The following SBNO2 variants were observed in gnomAD, a reference collection of about 807,000 sequenced individuals.
The protein encoded by SBNO2 is protein strawberry notch homolog 2.
In SBNO2, 89 loss-of-function variants were observed where a neutral mutation model predicts 146.3. The ratio of observed to expected loss-of-function variants is 0.61; its 90% confidence interval spans 0.51 to 0.73. SBNO2 has a LOEUF of 0.73. SBNO2 is among the 30% of genes least tolerant of loss of function. The pLI is 0.00. For missense variants in SBNO2, 2,092 were observed against 2,003.7 expected (o/e 1.04, Z -0.84); for synonymous variants, 1,147 against 892.6 (o/e 1.29, Z -5.08).
chr19:1,147,259 C>T lies in SBNO2; in HGVS notation c.279+50G>A, dbSNP rs1397561083. Reference sequence around the variant, plus strand: ...GTCGCAGGGCAGCTGGAGGGGCGGCCCAGACTCCACCCTGCCCCCCACGGC... The same window carrying T: ...GTCGCAGGGCAGCTGGAGGGGCGGCTCAGACTCCACCCTGCCCCCCACGGC... On this transcript the variant is annotated intron_variant, in intron 4 of 31. Transcript: ENST00000361757. The T allele has an allele frequency of 5.4e-6, 7 of 1,291,460 alleles. No individual in the cohort carries two copies. In the African/African-American group the frequency reaches 9.1e-5, roughly 17 times the overall value. 80.0% of individuals were successfully genotyped at this position (1,291,460 alleles called of 1,614,324 possible). A position where few individuals can be genotyped will look rare whatever the true frequency, so the allele number is the denominator to read the frequency against.
At chr19:1,143,080 G>A (rs536714170) in intron 4 of SBNO2, among the ~76,000 whole-genome samples, 1 of 152,296 alleles carries the variant, frequency 6.6e-6, no homozygotes, top group South Asian at 2.1e-4. Context: ...TTATACAACA[G>A]CAGGAAACAT....
At chr19:1,171,448 C>A (rs571349637) in intron 1 of SBNO2, among the ~76,000 whole-genome samples, 1 of 152,152 alleles carries the variant, frequency 6.6e-6, no homozygotes, top group Non-Finnish European at 1.5e-5. Flanking sequence ...GCAGCGCTGG[C>A]GTCATGGGGG....
chr19:1,163,913 C>T lies in SBNO2; in HGVS notation c.-126-9511G>A, dbSNP rs779170144. 2.2e-4 allele frequency among the ~76,000 whole-genome samples: 34 copies of T among 152,294 alleles called. 1 individual carries two copies. The highest frequency in any genetic ancestry group is 3.4e-3 in the Middle Eastern group (1 of 294). Reference sequence around the variant, plus strand: ...GGTGGAAGGGGCACTGCAGCCTCACCGCCCCATACCCCAGGAGCCCACGTG... The same window carrying T: ...GGTGGAAGGGGCACTGCAGCCTCACTGCCCCATACCCCAGGAGCCCACGTG... On this transcript the variant is annotated intron_variant, in intron 1 of 31. Transcript: ENST00000361757.
chr19:1,155,796 G>T (rs1052819731), intron 1 of SBNO2, among the ~76,000 whole-genome samples: 4 of 152,198 alleles, frequency 2.6e-5, no homozygotes, highest in Admixed American at 6.5e-5. Context: ...TGATACCGGG[G>T]TCCCCATCCA....
At position 1,122,682 on chromosome 19, in the gene SBNO2, A is replaced by C. The variant is rs530352752; in HGVS notation, c.890T>G (p.Leu297Arg). 3.3e-6 allele frequency: 5 copies of C among 1,509,694 alleles called. No homozygotes were observed. The South Asian group carries it at 6.0e-5, about 18-fold the overall frequency. The allele number at this position is 1,509,694 out of a possible 1,614,324, so 93.5% of individuals were successfully genotyped here. Residue 297 changes from leucine to arginine, a missense_variant, in exon 9 of 32, where the codon CTG becomes CGG. Leu to Arg is a moderately radical substitution (Grantham distance 102). Coordinates refer to ENST00000361757, the MANE Select transcript of SBNO2 (RefSeq NM_014963.3). Reference protein sequence around the residue: ...TVAGVILENHLRGRKKALWFS... With the variant: ...TVAGVILENHRRGRKKALWFS... ...CCACAATGCTTTCTTCCGGCCGCGC[A>C]GGTGGTTCTCCAGGATGACTCCGGC...
intron 4 of SBNO2, among the ~76,000 whole-genome samples, chr19:1,142,631 G>A (rs1381145426): frequency 1.3e-5 from 2 of 152,216 alleles, no homozygotes; most frequent in Non-Finnish European, 2.9e-5. Flanking sequence ...AGTGAGCCGA[G>A]ATTGCACCAC....
chr19:1,127,477 C>T lies in SBNO2; in HGVS notation c.441+127G>A, dbSNP rs760246359. The stretch of plus-strand genomic sequence containing the variant: ...CATCCATGGCCACAGATGGCGCCGA[C>T]AGTGACAGGCACAGCCATTGGCACG... On this transcript the variant is annotated intron_variant, in intron 5 of 31. Coordinates refer to ENST00000361757, the MANE Select transcript of SBNO2 (RefSeq NM_014963.3). The T allele has an allele frequency of 3.3e-6, 3 of 908,486 alleles. No homozygotes were observed. The South Asian group carries it at 4.5e-5, about 14-fold the overall frequency. 56.3% of individuals were successfully genotyped at this position (908,486 alleles called of 1,614,324 possible).
intron 2 of SBNO2, among the ~76,000 whole-genome samples, chr19:1,149,742 G>A (rs2080225555): frequency 6.6e-6 from 1 of 152,226 alleles, no homozygotes; most frequent in South Asian, 2.1e-4. Context: ...CCGCAGCCCG[G>A]GAGTCTGCAT....
At chr19:1,167,722 GT>G (rs1283950885) in intron 1 of SBNO2, among the ~76,000 whole-genome samples, 1 of 152,204 alleles carries the variant, frequency 6.6e-6, no homozygotes, top group African/African-American at 2.4e-5. Context: ...GCTCCAGGGG[GT>G]GGGGGGGACG....
At chr19:1,141,829 C>T (rs539099577) in intron 4 of SBNO2, among the ~76,000 whole-genome samples, 4 of 151,960 alleles carry the variant, frequency 2.6e-5, no homozygotes, top group African/African-American at 9.7e-5. Context: ...CACTATGTTG[C>T]GCAGGCTGGT....
chr19:1,164,387 CAGG>C (rs1163081216), intron 1 of SBNO2, among the ~76,000 whole-genome samples: 680 of 55,870 alleles, frequency 0.012, 6 homozygotes, highest in Middle Eastern at 0.018. Context: ...GCAGTGGAGA[CAGG>C]AGGAGGAGGA....
In SBNO2 at chr19:1,154,396, T is replaced by G. The variant is rs112016043; in HGVS notation, c.-120A>C. Reference sequence around the variant, plus strand: ...CGTGGTGGCGGCGGTGGCGGCAGCATCATGATCTGCAGAGGGAGACGGGGA... The same window carrying G: ...CGTGGTGGCGGCGGTGGCGGCAGCAGCATGATCTGCAGAGGGAGACGGGGA... On this transcript the variant is annotated 5_prime_UTR_variant, in exon 2 of 32. An upstream start codon of the reference 5' UTR is lost. Transcript: ENST00000361757. 8,649 of 450,944 alleles carry G rather than the reference T, an allele frequency of 0.019. 112 individuals are homozygous for G. The highest frequency in any genetic ancestry group is 0.026 in the Non-Finnish European group (7,041 of 275,830). The allele number at this position is 450,944 out of a possible 1,614,324, so 27.9% of individuals were successfully genotyped here. A position where few individuals can be genotyped will look rare whatever the true frequency, so the allele number is the denominator to read the frequency against.
chr19:1,123,102 C>T lies in SBNO2; in HGVS notation c.629-57G>A, dbSNP rs913618731. The T allele has an allele frequency of 4.5e-6, 7 of 1,557,218 alleles. No homozygotes were observed. In the Admixed American group the frequency reaches 5.7e-5, roughly 13 times the overall value. On this transcript the variant is annotated intron_variant, in intron 7 of 31. Coordinates refer to ENST00000361757, the MANE Select transcript of SBNO2 (RefSeq NM_014963.3). ...GGGTATGGCCAAGGGGTGACCAGGG[C>T]CGGTTATGGCACGCTGGGCGGGTCT...
intron 8 of SBNO2, 34 bp downstream of exon 8, chr19:1,122,860 C>T (rs746380353): frequency 3.2e-6 from 5 of 1,539,196 alleles, no homozygotes; most frequent in Non-Finnish European, 3.5e-6. Flanking sequence ...GCCTCGCGGA[C>T]ACAGGCTGGG....
At chr19:1,167,483 G>C (rs2145356001) in intron 1 of SBNO2, among the ~76,000 whole-genome samples, 2 of 152,348 alleles carry the variant, frequency 1.3e-5, no homozygotes, top group East Asian at 3.9e-4. Flanking sequence ...TGGCCACTGG[G>C]CTGAGGCCCC....
chr19:1,160,686 C>A (rs1178222396), intron 1 of SBNO2, among the ~76,000 whole-genome samples: 1 of 152,156 alleles, frequency 6.6e-6, no homozygotes, highest in Non-Finnish European at 1.5e-5. Flanking sequence ...CCCGCCACCA[C>A]GGCCCGGATA....
chr19:1,153,063 G>A (rs1260431648), intron 2 of SBNO2, among the ~76,000 whole-genome samples: 2 of 151,660 alleles, frequency 1.3e-5, no homozygotes, highest in Non-Finnish European at 2.9e-5. Flanking sequence ...GCTGAGGCAG[G>A]AGAATCACTA....
In SBNO2 at chr19:1,112,131, C is replaced by A; in HGVS notation, c.2628+58G>T. 6.2e-7 allele frequency: 1 copy of A among 1,602,706 alleles called. No individual in the cohort carries two copies. Among genetic ancestry groups the A allele is most frequent in the Non-Finnish European group, 8.5e-7 (1 of 1,174,672 alleles). On this transcript the variant is annotated intron_variant, in intron 22 of 31. Transcript: ENST00000361757. The surrounding 1 kb of genome is among the most constrained non-coding windows in gnomAD (Gnocchi z 5.9). ...GTCTGGCCTCTAGCACCCCACAAAG[C>A]TTTGGAGAGCCTTCCTGGGCCTGTC...
At chr19:1,139,366 G>A (rs1280424773) in intron 4 of SBNO2, among the ~76,000 whole-genome samples, 2 of 152,184 alleles carry the variant, frequency 1.3e-5, no homozygotes, top group African/African-American at 2.4e-5. Context: ...GACGGGGACA[G>A]GGCCTCCTCT....
Sources: gnomAD v4.1 joint callset for allele counts (sites outside exome capture counted in the v4.1 genomes callset) on GRCh38, gnomAD v4.1.1 for gene constraint, Gnocchi (gnomAD v3.1) non-coding constraint, MANE v1.5 for transcripts, NCBI Gene and HGNC (gene_info 2026-07-23, HGNC 2026-07-21) for gene names.